Variants in LGR4 observed in about 807,000 individuals in gnomAD.
The protein encoded by LGR4 is leucine-rich repeat-containing G protein-coupled receptor 4.
Under a neutral mutation model 84.8 loss-of-function variants are expected in LGR4, and 44 were observed. That is an observed-to-expected ratio of 0.52 (90% confidence interval 0.41 to 0.67). The LOEUF is 0.67. Ranked by LOEUF, LGR4 falls within the 30% of genes least tolerant of loss-of-function variation. LGR4 has a pLI of 0.00. For missense variants in LGR4, 1,032 were observed against 1,131.4 expected (o/e 0.91, Z 1.26); for synonymous variants, 429 against 434.3 (o/e 0.99, Z 0.15).
At chr11:27,441,168 G>C (rs1376778719) in intron 1 of LGR4, among the ~76,000 whole-genome samples, 4 of 152,076 alleles carry the variant, frequency 2.6e-5, no homozygotes, top group Non-Finnish European at 4.4e-5. Flanking sequence ...GAAATATTGG[G>C]GATCATGTAG....
intron 8 of LGR4, 68 bp downstream of exon 8, chr11:27,380,827 G>A: frequency 8.5e-7 from 1 of 1,180,744 alleles, no homozygotes; most frequent in Middle Eastern, 1.9e-4. Context: ...CTTTATCAGG[G>A]TGTTTGGCAT....
At chr11:27,460,580 A>G (rs1864662551) in intron 1 of LGR4, among the ~76,000 whole-genome samples, 1 of 152,246 alleles carries the variant, frequency 6.6e-6, no homozygotes, top group Non-Finnish European at 1.5e-5. Flanking sequence ...TGATTTATCC[A>G]AAACAAGGGA....
At chr11:27,380,403 A>G in intron 9 of LGR4, 64 bp from the exon 10 acceptor site, 1 of 1,218,790 alleles carries the variant, frequency 8.2e-7, no homozygotes, top group Non-Finnish European at 1.2e-6. Context: ...TGTTTTAAAC[A>G]GTTTAAAATT....
chr11:27,376,203 T>C, intron 13 of LGR4, 96 bp downstream of exon 13: 3 of 739,444 alleles, frequency 4.1e-6, no homozygotes, highest in East Asian at 2.8e-5. Context: ...ATTAAAATTA[T>C]ATCTTTAAGT....
At chr11:27,423,970 T>C (rs551957765) in intron 1 of LGR4, among the ~76,000 whole-genome samples, 3 of 152,148 alleles carry the variant, frequency 2.0e-5, no homozygotes, top group Non-Finnish European at 4.4e-5. Context: ...AACATAAATT[T>C]CACGGCAGAA....
intron 1 of LGR4, among the ~76,000 whole-genome samples, chr11:27,441,835 C>A (rs182970952): frequency 2.6e-5 from 4 of 152,188 alleles, no homozygotes; most frequent in Non-Finnish European, 2.9e-5. Flanking sequence ...ACAGAACTTA[C>A]GGCAGGGGAG....
intron 1 of LGR4, among the ~76,000 whole-genome samples, chr11:27,458,307 A>G (rs1482366345): frequency 6.6e-6 from 1 of 152,158 alleles, no homozygotes; most frequent in Non-Finnish European, 1.5e-5. Context: ...AAGGTAGAAA[A>G]TAGTTCAGCA....
intron 2 of LGR4, among the ~76,000 whole-genome samples, chr11:27,394,592 G>A (rs2054456): frequency 0.012 from 1,844 of 151,960 alleles, 102 homozygotes; most frequent in East Asian, 0.093. Context: ...TAGTAGAGAC[G>A]GGGTTTCACC....
intron 2 of LGR4, among the ~76,000 whole-genome samples, chr11:27,404,068 T>G (rs1863554841): frequency 6.6e-6 from 1 of 152,232 alleles, no homozygotes; most frequent in Admixed American, 6.5e-5. Context: ...CCTATTTTCT[T>G]GCTGGAAAAT....
chr11:27,378,035 G>C (rs745664740), intron 11 of LGR4, among the ~76,000 whole-genome samples: 1 of 152,072 alleles, frequency 6.6e-6, no homozygotes, highest in Non-Finnish European at 1.5e-5. Context: ...TATAGCCCAG[G>C]TGTGTAGAAG....
chr11:27,381,886 G>C (rs996184853), intron 7 of LGR4, among the ~76,000 whole-genome samples: 2 of 152,144 alleles, frequency 1.3e-5, no homozygotes, highest in African/African-American at 4.8e-5. Context: ...TTTCTACCTA[G>C]AAACAGCTGT....
At chr11:27,401,482 A>G (rs1466542246) in intron 2 of LGR4, among the ~76,000 whole-genome samples, 2 of 152,190 alleles carry the variant, frequency 1.3e-5, no homozygotes, top group Non-Finnish European at 2.9e-5. Flanking sequence ...AACACATGCA[A>G]TATCCACCCA....
chr11:27,377,191 G>A lies in LGR4; in HGVS notation c.1076C>T (p.Pro359Leu). Residue 359 changes from proline (P) to leucine (L), a missense_variant, in exon 12 of 18, where the codon CCA becomes CTA. Transcript: ENST00000379214. The stretch of plus-strand genomic sequence containing the variant: ...CAGAGCATGGCAACCATTAAAACTT[G>A]GAAGGTCTCTTATATTATTGTAAGA... ...DLSYNNIRDL[P>L]SFNGCHALEE... 6.3e-7 allele frequency: 1 copy of A among 1,586,586 alleles called. No individual in the cohort carries two copies. The highest frequency in any genetic ancestry group is 8.6e-7 in the Non-Finnish European group (1 of 1,158,702).
rs778266289 is a variant in LGR4 at position 27,367,957 on chromosome 11, C to G, written c.2766G>C (p.Gln922His). ...AGCAGGCTCGTCCACAGGCCTGCAC[C>G]TGGTCAGAACTGTCTGAGACAAAGG... Reference protein sequence around the residue: ...EDSFVSDSSDQVQACGRACFY... With the variant: ...EDSFVSDSSDHVQACGRACFY... Residue 922 changes from glutamine (Q) to histidine (H), a missense_variant, in exon 18 of 18, where the codon CAG (glutamine) becomes CAC (histidine). Gln to His is a conservative substitution (Grantham distance 24). Coordinates refer to ENST00000379214, the MANE Select transcript of LGR4 (RefSeq NM_018490.5). 6.2e-7 allele frequency: 1 copy of G among 1,614,030 alleles called. No homozygotes were observed. The highest frequency in any genetic ancestry group is 8.5e-7 in the Non-Finnish European group (1 of 1,179,912).
At chr11:27,426,656 T>C (rs375007653) in intron 1 of LGR4, among the ~76,000 whole-genome samples, 2 of 152,278 alleles carry the variant, frequency 1.3e-5, no homozygotes, top group African/African-American at 2.4e-5. Flanking sequence ...CTCTGGTGAG[T>C]CCCCAGCTCA....
intron 1 of LGR4, among the ~76,000 whole-genome samples, chr11:27,465,573 A>C (rs1864762596): frequency 6.6e-6 from 1 of 152,266 alleles, no homozygotes; most frequent in Non-Finnish European, 1.5e-5. Context: ...GTGAACTCAG[A>C]GTATACTAGC....
chr11:27,398,664 T>C (rs1863437117), intron 2 of LGR4, among the ~76,000 whole-genome samples: 1 of 152,190 alleles, frequency 6.6e-6, no homozygotes, highest in South Asian at 2.1e-4. Flanking sequence ...TTCTTACTAA[T>C]GGCAATTTCC....
chr11:27,453,655 C>T (rs900737904), intron 1 of LGR4, among the ~76,000 whole-genome samples: 1 of 152,018 alleles, frequency 6.6e-6, no homozygotes, highest in Non-Finnish European at 1.5e-5. Flanking sequence ...ATTCTGTGTC[C>T]CCAGCACCAA....
chr11:27,428,234 T>C (rs180967478), intron 1 of LGR4, among the ~76,000 whole-genome samples: 4 of 152,098 alleles, frequency 2.6e-5, no homozygotes, highest in Non-Finnish European at 5.9e-5. Flanking sequence ...GCCTCTCAGG[T>C]TCAAGTGATT....
Sources: allele counts gnomAD v4.1 joint callset (sites outside exome capture counted in the v4.1 genomes callset), GRCh38; gene constraint gnomAD v4.1.1; transcripts MANE v1.5; gene names NCBI Gene and HGNC (gene_info 2026-07-23, HGNC 2026-07-21).